The following C4BPB variants were observed in gnomAD, a reference collection of about 807,000 sequenced individuals.
The protein encoded by C4BPB is complement component 4 binding protein beta.
In C4BPB, 19 loss-of-function variants were observed where a neutral mutation model predicts 26.6. The ratio of observed to expected loss-of-function variants is 0.71; its 90% CI spans 0.50 to 1.05. The LOEUF (loss-of-function observed/expected upper bound fraction) is 1.05. C4BPB is among the 50% of genes least tolerant of loss of function. The pLI is 0.00. For missense variants in C4BPB, 282 were observed against 302.9 expected (o/e 0.93, Z 0.51); for synonymous variants, 118 against 103.5 (o/e 1.14, Z -0.85).
At position 207,090,484 on chromosome 1, in the gene C4BPB, A is replaced by G. The variant is rs6690037; in HGVS notation, c.232+3A>G. On this transcript the variant is annotated splice_donor_region_variant and intron_variant, in intron 3 of 6. Coordinates refer to ENST00000367078, the MANE Select transcript of C4BPB (RefSeq NM_001017365.3). ...TAACACCACTACTGAGTGCCGCTGT[A>G]AGTTAGATCTTTCTGTATCTTTGCC... is the stretch of plus-strand genomic sequence containing the variant. The G allele has an allele frequency of 0.49, 784,898 of 1,597,846 alleles. 201,497 individuals carry two copies. Among genetic ancestry groups the G allele is most frequent in the East Asian group, 0.76 (33,626 of 43,960 alleles).
intron 4 of C4BPB, chr1:207,095,798 C>A (rs1194161421): frequency 4.7e-6 from 1 of 211,160 alleles, no homozygotes; most frequent in Non-Finnish European, 9.6e-6. Flanking sequence ...TAGGTACTGT[C>A]CTCATGACAG....
intron 6 of C4BPB, among the ~76,000 whole-genome samples, chr1:207,099,206 C>T (rs1684372430): frequency 6.6e-6 from 1 of 152,172 alleles, no homozygotes. Context: ...GCATTAGACT[C>T]TCATAAAGAG....
chr1:207,092,515 A>C (rs1254321440), intron 4 of C4BPB, among the ~76,000 whole-genome samples: 2 of 152,084 alleles, frequency 1.3e-5, no homozygotes, highest in Non-Finnish European at 2.9e-5. Flanking sequence ...TGTATGTCAT[A>C]ATTTATTATA....
At chr1:207,089,228 A>G in intron 1 of C4BPB, 1 of 374,266 alleles carries the variant, frequency 2.7e-6, no homozygotes, top group Non-Finnish European at 4.8e-6. Flanking sequence ...AGACTGGTCA[A>G]CTGGATTTGC....
At chr1:207,091,875 C>T (rs1684042478) in intron 4 of C4BPB, 55 bp downstream of exon 4, 1 of 1,437,228 alleles carries the variant, frequency 7.0e-7, no homozygotes, top group Non-Finnish European at 9.4e-7. Context: ...GTAGTCTAAA[C>T]TTAGACATTT....
chr1:207,097,722 AT>A, intron 5 of C4BPB: 1 of 170,260 alleles, frequency 5.9e-6, no homozygotes, highest in Non-Finnish European at 1.3e-5. Flanking sequence ...CAACTCTCAT[AT>A]TTTTCTGATG....
chr1:207,096,418 C>T (rs1684252252), intron 4 of C4BPB, 104 bp from the exon 5 acceptor site: 1 of 746,730 alleles, frequency 1.3e-6, no homozygotes, highest in African/African-American at 1.7e-5. Context: ...GCAGGTGTTG[C>T]TCTGAGGCTG....
chr1:207,097,848 A>G (rs1259449033), intron 5 of C4BPB: 2 of 220,032 alleles, frequency 9.1e-6, no homozygotes, highest in Non-Finnish European at 1.8e-5. Flanking sequence ...ATTGAATGAT[A>G]AAGTGCTTCT....
At position 207,094,880 on chromosome 1, in the gene C4BPB, A is replaced by C. The variant is rs140268130; in HGVS notation, c.410-1642A>C. On this transcript the variant is annotated intron_variant, in intron 4 of 6. Transcript: ENST00000367078. ...AATATAGAAAATAAAAGACGAAACC[A>C]ATTACATACAAGCCATCTAAGGATA... 47 of 165,610 alleles carry C rather than the reference A, an allele frequency of 2.8e-4. No homozygotes were observed. In the East Asian group the frequency reaches 7.9e-3, roughly 28 times the overall value. 10.3% of individuals were successfully genotyped at this position (165,610 alleles called of 1,614,324 possible).
At chr1:207,099,664 C>A (rs1572764968) in intron 6 of C4BPB, 125 bp from the exon 7 acceptor site, 2 of 672,918 alleles carry the variant, frequency 3.0e-6, no homozygotes, top group East Asian at 5.6e-5. Context: ...AAACCCAAAT[C>A]TTTACTTAAG....
intron 3 of C4BPB, 38 bp from the exon 4 acceptor site, chr1:207,091,606 C>A (rs756682463): frequency 1.8e-5 from 29 of 1,582,672 alleles, no homozygotes; most frequent in Middle Eastern, 2.0e-4. Context: ...TGGGCTTCAG[C>A]TTTGCCCTTT....
intron 2 of C4BPB, 127 bp downstream of exon 2, chr1:207,089,716 C>A: frequency 1.3e-6 from 1 of 771,548 alleles, no homozygotes; most frequent in Non-Finnish European, 2.2e-6. Flanking sequence ...ATTGAAAAAT[C>A]TCAAATTGGC....
At position 207,090,156 on chromosome 1, in the gene C4BPB, G is replaced by A. The variant is rs527505606; in HGVS notation, c.59-152G>A. 196 of 585,416 alleles carry A rather than the reference G, an allele frequency of 3.3e-4. 1 individual carries two copies. Among genetic ancestry groups the A allele is most frequent in the Non-Finnish European group, 5.4e-4 (191 of 354,626 alleles). The allele number at this position is 585,416 out of a possible 1,614,324, so 36.3% of individuals were successfully genotyped here. A position where few individuals can be genotyped will look rare whatever the true frequency, so the allele number is the denominator to read the frequency against. On this transcript the variant is annotated intron_variant, in intron 2 of 6. Coordinates refer to ENST00000367078, the MANE Select transcript of C4BPB (RefSeq NM_001017365.3). ...CGTGGTGGCGGGTGCCTGTAGTCCC[G>A]GCTACTTGGGAGTAGAATACAGAGT...
intron 2 of C4BPB, 144 bp from the exon 3 acceptor site, chr1:207,090,164 G>T: frequency 1.6e-6 from 1 of 616,132 alleles, no homozygotes; most frequent in Non-Finnish European, 2.6e-6. Context: ...CCGGCTACTT[G>T]GGAGTAGAAT....
chr1:207,091,086 C>A (rs912139872), intron 3 of C4BPB, among the ~76,000 whole-genome samples: 2 of 152,170 alleles, frequency 1.3e-5, no homozygotes, highest in African/African-American at 4.8e-5. Context: ...AATAATTAAT[C>A]CATATCCTAT....
intron 4 of C4BPB, chr1:207,094,957 ATGTATG>A (rs1264157433): frequency 3.8e-5 from 8 of 209,102 alleles, no homozygotes; most frequent in Non-Finnish European, 7.8e-5. Context: ...TCCTGTGCTT[ATGTATG>A]TGTAACCATG....
intron 6 of C4BPB, among the ~76,000 whole-genome samples, chr1:207,098,846 T>C (rs1253175426): frequency 6.6e-6 from 1 of 152,002 alleles, no homozygotes; most frequent in Non-Finnish European, 1.5e-5. Flanking sequence ...CAGTGACAGA[T>C]CATCAGGCAT....
intron 3 of C4BPB, among the ~76,000 whole-genome samples, chr1:207,090,768 C>A (rs1683995852): frequency 6.6e-6 from 1 of 152,000 alleles, no homozygotes; most frequent in Non-Finnish European, 1.5e-5. Context: ...ATTTGTTTAA[C>A]CTTATATTGC....
chr1:207,094,016 T>A (rs1684147274), intron 4 of C4BPB, among the ~76,000 whole-genome samples: 1 of 152,170 alleles, frequency 6.6e-6, no homozygotes, highest in South Asian at 2.1e-4. Flanking sequence ...CAAATGATTA[T>A]AGAACTGGAA....
Sources: allele counts gnomAD v4.1 joint callset (sites outside exome capture counted in the v4.1 genomes callset), GRCh38; gene constraint gnomAD v4.1.1; transcripts MANE v1.5; gene names NCBI Gene and HGNC (gene_info 2026-07-23, HGNC 2026-07-21).